PROM1: variants seen among roughly 807,000 people sequenced by gnomAD.
PROM1 encodes the protein prominin 1, also known as prominin-1.
A neutral mutation model predicts 116.9 loss-of-function variants in PROM1; 105 were observed. The ratio of observed to expected loss-of-function variants is 0.90; its 90% CI spans 0.77 to 1.06. PROM1 has a LOEUF of 1.06. Ranked by LOEUF, PROM1 falls within the 50% of genes least tolerant of loss-of-function variation. The probability of loss-of-function intolerance (pLI) is 0.00; values close to 1 mark genes in which losing one functional copy is unlikely to be tolerated. For synonymous variants in PROM1, 393 were observed against 387.0 expected (o/e 1.02, Z -0.18); for missense variants, 1,122 against 1,045.2 (o/e 1.07, Z -1.01).
intron 26 of PROM1, chr4:15,971,334 A>T (rs901640987): frequency 2.1e-6 from 1 of 468,430 alleles, no homozygotes; most frequent in African/African-American, 1.9e-5. Flanking sequence ...GTGAATATTC[A>T]CAATCTAAGG....
At chr4:16,044,506 T>G (rs1736058257) in intron 2 of PROM1, among the ~76,000 whole-genome samples, 1 of 152,202 alleles carries the variant, frequency 6.6e-6, no homozygotes, top group Non-Finnish European at 1.5e-5. Flanking sequence ...GGGTCCCTCT[T>G]TTGCCTTTGG....
intron 8 of PROM1, among the ~76,000 whole-genome samples, chr4:16,019,754 T>C (rs1462202083): frequency 6.6e-6 from 1 of 152,162 alleles, no homozygotes; most frequent in African/African-American, 2.4e-5. Context: ...ACAGAACAGA[T>C]GGTGGAGGAT....
chr4:15,968,953 C>T lies in PROM1; in HGVS notation c.*440G>A, dbSNP rs1320097231. On this transcript the variant is annotated 3_prime_UTR_variant, in exon 28 of 28. Coordinates refer to ENST00000447510, the MANE Select transcript of PROM1 (RefSeq NM_006017.3). ...TCTGTGGTAACAAAAGGTATATACA[C>T]CGTTTACTGTACACAAAATGCATCT... 6.6e-6 allele frequency: 1 copy of T among 152,156 alleles called. No homozygotes were observed. Among genetic ancestry groups the T allele is most frequent in the African/African-American group, 2.4e-5 (1 of 41,428 alleles). The allele number at this position is 152,156 out of a possible 1,614,324, so 9.4% of individuals were successfully genotyped here. A position where few individuals can be genotyped will look rare whatever the true frequency, so the allele number is the denominator to read the frequency against.
At chr4:15,976,637 C>A (rs1716202807) in intron 26 of PROM1, among the ~76,000 whole-genome samples, 1 of 152,208 alleles carries the variant, frequency 6.6e-6, no homozygotes, top group Non-Finnish European at 1.5e-5. Context: ...GCCTAAGTGA[C>A]AAAGGTCTGT....
In PROM1 at chr4:16,000,529, G is replaced by A. The variant is rs1163914746; in HGVS notation, c.1545C>T (p.Ile515=). Residue 515 remains isoleucine (I), a synonymous_variant, in exon 14 of 28, where the codon ATC becomes ATT. Transcript: ENST00000447510. ...ATTCCTTGCTCGTGTAAGGTTCACA[G>A]ATCAGTTTTTCCACATTTGCACCAA... ...FVFGANVEKL[I]CEPYTSKELF... is the part of the protein sequence containing the mutation. 3.8e-6 allele frequency: 6 copies of A among 1,595,640 alleles called. No homozygotes were observed. In the East Asian group the frequency reaches 1.1e-4, roughly 30 times the overall value.
At chr4:16,030,956 G>A (rs1388605270) in intron 5 of PROM1, among the ~76,000 whole-genome samples, 2 of 152,156 alleles carry the variant, frequency 1.3e-5, no homozygotes, top group Non-Finnish European at 2.9e-5. Context: ...TGAGGCACAA[G>A]AATGACTTGA....
At chr4:16,024,481 C>T in intron 6 of PROM1, 123 bp from the exon 7 acceptor site, 1 of 734,656 alleles carries the variant, frequency 1.4e-6, no homozygotes, top group Non-Finnish European at 2.2e-6. Flanking sequence ...CCAGCAAGTT[C>T]CTAGAAACCT....
At chr4:16,077,380 A>G (rs1029772541) in intron 1 of PROM1, among the ~76,000 whole-genome samples, 4 of 152,180 alleles carry the variant, frequency 2.6e-5, no homozygotes, top group African/African-American at 9.7e-5. Context: ...TCACGTGTTT[A>G]TCTGCTGACC....
intron 18 of PROM1, among the ~76,000 whole-genome samples, chr4:15,990,748 G>A (rs1369080909): frequency 6.6e-6 from 1 of 152,194 alleles, no homozygotes; most frequent in African/African-American, 2.4e-5. Context: ...TCACCATAAG[G>A]CATGCCCGCC....
intron 2 of PROM1, among the ~76,000 whole-genome samples, chr4:16,066,257 C>T (rs1741513301): frequency 6.6e-6 from 1 of 152,042 alleles, no homozygotes. Context: ...CATGTCATCA[C>T]CAAGACCTGA....
At chr4:16,056,059 G>T (rs984513325) in intron 2 of PROM1, among the ~76,000 whole-genome samples, 1 of 152,150 alleles carries the variant, frequency 6.6e-6, no homozygotes, top group Non-Finnish European at 1.5e-5. Context: ...AGAAGAGGAC[G>T]TGTGCAAGCA....
chr4:16,060,434 C>T lies in PROM1; in HGVS notation c.220+15253G>A, dbSNP rs567699178. Among the ~76,000 whole-genome samples the T allele has an allele frequency of 2.0e-5, 3 of 152,232 alleles. No individual in the cohort carries two copies. In the South Asian group the frequency reaches 6.2e-4, roughly 32 times the overall value. Reference sequence around the variant, plus strand: ...GCTCAAGCAATCCTCCCACTTCAGCCTCCCAAGTAGCTGGGACTACAGGCA... The same window carrying T: ...GCTCAAGCAATCCTCCCACTTCAGCTTCCCAAGTAGCTGGGACTACAGGCA... On this transcript the variant is annotated intron_variant, in intron 2 of 27. Transcript: ENST00000447510.
chr4:16,000,562 G>T lies in PROM1; in HGVS notation c.1512C>A (p.Thr504=). The T allele has an allele frequency of 1.3e-6, 2 of 1,587,806 alleles. No individual in the cohort carries two copies. The highest frequency in any genetic ancestry group is 1.3e-5 in the African/African-American group (1 of 74,348). Residue 504 remains threonine (T), a synonymous_variant, in exon 14 of 28, where the codon ACC becomes ACA. Coordinates refer to ENST00000447510, the MANE Select transcript of PROM1 (RefSeq NM_006017.3). ...CWILMIIVVL[T]FVFGANVEKL... is the part of the protein sequence containing the mutation. Reference sequence around the variant, plus strand: ...TTTCCACATTTGCACCAAAGACAAAGGTAAGAACCACAATGATCATCAATA... The same window carrying T: ...TTTCCACATTTGCACCAAAGACAAATGTAAGAACCACAATGATCATCAATA...
Position 16,043,451 on chromosome 4 carries a change from C to T in PROM1, c.221-4450G>A, listed in dbSNP as rs533913981. On this transcript the variant is annotated intron_variant, in intron 2 of 27. Transcript: ENST00000447510. ...GAGTAGCTGGGACCACAGGCATGCACATCACACCCAGCTAAGCCTTGGCTT... is the reference window on the plus strand; with the variant it reads ...GAGTAGCTGGGACCACAGGCATGCATATCACACCCAGCTAAGCCTTGGCTT... Among the ~76,000 whole-genome samples, 9 of 152,324 alleles carry T rather than the reference C, an allele frequency of 5.9e-5. No homozygotes were observed. The South Asian group carries it at 1.9e-3, about 32-fold the overall frequency.
chr4:15,992,499 T>A (rs1343043733), intron 16 of PROM1, 108 bp from the exon 17 acceptor site: 2 of 1,213,208 alleles, frequency 1.6e-6, no homozygotes, highest in Non-Finnish European at 2.3e-6. Context: ...ATGCCTGCAA[T>A]CCTAGCACTT....
intron 13 of PROM1, 30 bp downstream of exon 13, chr4:16,006,508 C>T: frequency 6.4e-7 from 1 of 1,555,256 alleles, no homozygotes; most frequent in South Asian, 1.2e-5. Context: ...CATTCCCACT[C>T]CCACATGACA....
At position 15,987,699 on chromosome 4, in the gene PROM1, G is replaced by A. The variant is rs199727800; in HGVS notation, c.2094C>T (p.Ser698=). 3.2e-5 allele frequency: 52 copies of A among 1,610,950 alleles called. No homozygotes were observed. The highest frequency in any genetic ancestry group is 1.9e-4 in the South Asian group (17 of 89,932). Residue 698 remains serine, a synonymous_variant, in exon 20 of 28, where the codon AGC becomes AGT. Coordinates refer to ENST00000447510, the MANE Select transcript of PROM1 (RefSeq NM_006017.3). ...TCCCTGTGCGTTGAAGTATCTTGAC[G>A]CTTTGGTATAGAGTGCTCTGGCAAG... ...IEQSLSTLYQ[S]VKILQRTGNG... is the part of the protein sequence containing the mutation.
chr4:15,981,713 TCAA>T (rs1718021479), intron 23 of PROM1, among the ~76,000 whole-genome samples: 2 of 152,260 alleles, frequency 1.3e-5, no homozygotes, highest in African/African-American at 4.8e-5. Context: ...TGCTAGGGTC[TCAA>T]TCAATGTTTC....
rs1276792072 is a variant in PROM1, at chr4:15,968,342, G to A, written c.*1051C>T. On this transcript the variant is annotated 3_prime_UTR_variant, in exon 28 of 28. Transcript: ENST00000447510. ...ATTACATCAACGTTAAATTTTGTCCGACCAGTTCTTCATTGCTGATCACTT... is the reference window on the plus strand; with the variant it reads ...ATTACATCAACGTTAAATTTTGTCCAACCAGTTCTTCATTGCTGATCACTT... 2 of 152,128 alleles carry A rather than the reference G, an allele frequency of 1.3e-5. No individual in the cohort carries two copies. The highest frequency in any genetic ancestry group is 2.4e-5 in the African/African-American group (1 of 41,428). The allele number at this position is 152,128 out of a possible 1,614,324, so 9.4% of individuals were successfully genotyped here.
Sources: gnomAD v4.1 joint callset for allele counts (sites outside exome capture counted in the v4.1 genomes callset) on GRCh38, gnomAD v4.1.1 for gene constraint, MANE v1.5 for transcripts, NCBI Gene and HGNC (gene_info 2026-07-23, HGNC 2026-07-21) for gene names.